The following TIGAR variants were observed in gnomAD, a reference collection of about 807,000 sequenced individuals.
The protein encoded by TIGAR is TP53 induced glycolysis regulatory phosphatase, also known as fructose-2,6-bisphosphatase TIGAR.
A neutral mutation model predicts 17.9 loss-of-function variants in TIGAR; 7 were observed. The ratio of observed to expected loss-of-function variants is 0.39; its 90% CI spans 0.22 to 0.73. TIGAR has a LOEUF of 0.73. Ranked by LOEUF, TIGAR falls within the 30% of genes least tolerant of loss-of-function variation. TIGAR has a pLI of 0.42. For missense variants in TIGAR, 258 were observed against 327.4 expected (o/e 0.79, Z 1.64); for synonymous variants, 94 against 108.6 (o/e 0.87, Z 0.84).
intron 2 of TIGAR, among the ~76,000 whole-genome samples, chr12:4,334,696 G>A (rs1864639972): frequency 6.6e-6 from 1 of 152,182 alleles, no homozygotes; most frequent in African/African-American, 2.4e-5. Flanking sequence ...TCTTTGAAAA[G>A]TCCTCTAGTG....
chr12:4,351,417 C>A, intron 5 of TIGAR, 40 bp downstream of exon 5: 1 of 1,544,742 alleles, frequency 6.5e-7, no homozygotes, highest in Non-Finnish European at 8.9e-7. Flanking sequence ...TGAATTAAGA[C>A]TCAAAATTAG....
At chr12:4,324,340 T>G (rs1404037293) in intron 1 of TIGAR, 4 of 732,274 alleles carry the variant, frequency 5.5e-6, no homozygotes, top group South Asian at 5.2e-5. Flanking sequence ...TTTTTTTTTT[T>G]GGAAATATGT....
intron 5 of TIGAR, among the ~76,000 whole-genome samples, 155 bp from the exon 6 acceptor site, chr12:4,352,105 G>C (rs1864842984): frequency 6.6e-6 from 1 of 152,092 alleles, no homozygotes; most frequent in South Asian, 2.1e-4. Flanking sequence ...TGAAACTACT[G>C]ATTGAACGAA....
intron 3 of TIGAR, among the ~76,000 whole-genome samples, chr12:4,349,423 GT>G (rs923212662): frequency 4.4e-4 from 63 of 143,442 alleles, no homozygotes; most frequent in African/African-American, 5.8e-4. Flanking sequence ...TTCTAGTTTT[GT>G]TTTTTTTTTT....
At position 4,321,314 on chromosome 12, in the gene TIGAR, C is replaced by G. The variant is rs931908285; in HGVS notation, c.32+11C>G. 1.9e-6 allele frequency: 3 copies of G among 1,600,988 alleles called. No individual in the cohort carries two copies. The Admixed American group carries it at 5.0e-5, about 27-fold the overall frequency. On this transcript the variant is annotated intron_variant, in intron 1 of 5. Coordinates refer to ENST00000179259, the MANE Select transcript of TIGAR (RefSeq NM_020375.3). This position sits in a 1 kb window ranked among gnomAD's most constrained non-coding sequence, Gnocchi z 5.2. ...GACTGTTGTCCGGCAGTGAGTATGG[C>G]TGTGGCAGGATGTCTTTCTCTCTCT...
chr12:4,349,653 A>C (rs1180317811), intron 3 of TIGAR, among the ~76,000 whole-genome samples, 166 bp from the exon 4 acceptor site: 2 of 152,090 alleles, frequency 1.3e-5, no homozygotes, highest in Non-Finnish European at 2.9e-5. Context: ...TCCTGACCTC[A>C]TGATCCACCC....
Position 4,354,251 on chromosome 12 carries a change from G to A in TIGAR, c.*1560G>A, listed in dbSNP as rs144055031. 6 of 152,260 alleles carry A rather than the reference G, an allele frequency of 3.9e-5. No individual in the cohort carries two copies. The highest frequency in any genetic ancestry group is 1.9e-4 in the East Asian group (1 of 5,180). The allele number at this position is 152,260 out of a possible 1,614,324, so 9.4% of individuals were successfully genotyped here. On this transcript the variant is annotated 3_prime_UTR_variant, in exon 6 of 6. Transcript: ENST00000179259. ...TTCTACCAGTATTGAAACAGGGCAC[G>A]TGTTTGAGCATCAGAGGAAGTATAC...
chr12:4,354,572 C>T lies in TIGAR; in HGVS notation c.*1881C>T, dbSNP rs1232257363. On this transcript the variant is annotated 3_prime_UTR_variant, in exon 6 of 6. Coordinates refer to ENST00000179259, the MANE Select transcript of TIGAR (RefSeq NM_020375.3). ...TGGTGCTTTAAAAATAAATATCAAG[C>T]CATCTGTGTTCTTTATTTTTACTTA... 3 of 151,824 alleles carry T rather than the reference C, an allele frequency of 2.0e-5. No homozygotes were observed. The highest frequency in any genetic ancestry group is 4.4e-5 in the Non-Finnish European group (3 of 67,950). 9.4% of individuals were successfully genotyped at this position (151,824 alleles called of 1,614,324 possible). A position where few individuals can be genotyped will look rare whatever the true frequency, so the allele number is the denominator to read the frequency against.
At position 4,357,838 on chromosome 12, in the gene TIGAR, TCG is replaced by T. The variant is rs1352569935; in HGVS notation, c.*5149_*5150del. ...CGCTGAGGTGGCTGGGCGTGGTGGC[TCG>T]CACCTGTAATCCCAGCACTTTGGGA... On this transcript the variant is annotated 3_prime_UTR_variant, in exon 6 of 6. Coordinates refer to ENST00000179259, the MANE Select transcript of TIGAR (RefSeq NM_020375.3). Among the ~76,000 whole-genome samples, 1 of 152,148 alleles carries T rather than the reference TCG, an allele frequency of 6.6e-6. No individual in the cohort carries two copies. Among genetic ancestry groups the T allele is most frequent in the Non-Finnish European group, 1.5e-5 (1 of 68,016 alleles).
At chr12:4,350,445 T>C (rs993384558) in intron 4 of TIGAR, among the ~76,000 whole-genome samples, 1 of 152,194 alleles carries the variant, frequency 6.6e-6, no homozygotes, top group African/African-American at 2.4e-5. Context: ...CAATTGGTAT[T>C]ATTAGACTCT....
At chr12:4,338,977 C>CA (rs1192832105) in intron 3 of TIGAR, among the ~76,000 whole-genome samples, 4,204 of 99,562 alleles carry the variant, frequency 0.042, 131 homozygotes, top group Non-Finnish European at 0.058. Flanking sequence ...CTTTGTCTCA[C>CA]AAAAAAAAAA....
intron 3 of TIGAR, among the ~76,000 whole-genome samples, chr12:4,348,030 G>A (rs2120687532): frequency 6.6e-6 from 1 of 152,222 alleles, no homozygotes; most frequent in South Asian, 2.1e-4. Flanking sequence ...CAGCTACTTG[G>A]GAGGCTGGGG....
rs539536926 is a variant in TIGAR at position 4,358,807 on chromosome 12, T to C, written c.*6116T>C. ...CATTTAGTTGTCATGTTTCTTCATGTCCTTCCGTCTACTCCTTTGCCTTCC... is the reference window on the plus strand; with the variant it reads ...CATTTAGTTGTCATGTTTCTTCATGCCCTTCCGTCTACTCCTTTGCCTTCC... On this transcript the variant is annotated 3_prime_UTR_variant, in exon 6 of 6. Transcript: ENST00000179259. Among the ~76,000 whole-genome samples the C allele has an allele frequency of 2.1e-4, 32 of 152,250 alleles. No homozygotes were observed. The highest frequency in any genetic ancestry group is 7.5e-4 in the African/African-American group (31 of 41,560).
At chr12:4,324,555 G>A in intron 1 of TIGAR, 4 of 1,607,498 alleles carry the variant, frequency 2.5e-6, no homozygotes, top group African/African-American at 1.3e-5. Flanking sequence ...TCTTGGGCAG[G>A]ATGATCATGT....
chr12:4,350,807 G>C (rs911795043), intron 4 of TIGAR, among the ~76,000 whole-genome samples: 1 of 151,400 alleles, frequency 6.6e-6, no homozygotes, highest in Admixed American at 6.6e-5. Context: ...AAAAGAAATA[G>C]ATCTCTCATG....
chr12:4,354,638 T>TGG lies in TIGAR; in HGVS notation c.*1947_*1948insGG, dbSNP rs1864876972. On this transcript the variant is annotated 3_prime_UTR_variant, in exon 6 of 6. Transcript: ENST00000179259. Reference sequence around the variant, plus strand: ...TCTGTGTTGATATATATAGATCTAGTTAATTATAACCACTCTATTCTATTA... The same window carrying TGG: ...TCTGTGTTGATATATATAGATCTAGTGGTAATTATAACCACTCTATTCTATTA... The TGG allele has an allele frequency of 6.6e-6, 1 of 152,128 alleles. No homozygotes were observed. Among genetic ancestry groups the TGG allele is most frequent in the Non-Finnish European group, 1.5e-5 (1 of 68,034 alleles). The allele number at this position is 152,128 out of a possible 1,614,324, so 9.4% of individuals were successfully genotyped here.
At chr12:4,350,231 C>G (rs910000807) in intron 4 of TIGAR, among the ~76,000 whole-genome samples, 1 of 152,170 alleles carries the variant, frequency 6.6e-6, no homozygotes, top group African/African-American at 2.4e-5. Context: ...TTTCACTAGA[C>G]TACCACTGAT....
chr12:4,345,784 C>T (rs1458832856), intron 3 of TIGAR, among the ~76,000 whole-genome samples: 1 of 152,224 alleles, frequency 6.6e-6, no homozygotes, highest in African/African-American at 2.4e-5. Flanking sequence ...TAAAGAGCTT[C>T]TGCACAGCAA....
At chr12:4,349,730 A>G in intron 3 of TIGAR, 89 bp from the exon 4 acceptor site, 1 of 1,122,186 alleles carries the variant, frequency 8.9e-7, no homozygotes, top group African/African-American at 1.6e-5. Flanking sequence ...GTTCTTTTTT[A>G]TTCACTAAGA....
Sources: gnomAD v4.1 joint callset for allele counts (sites outside exome capture counted in the v4.1 genomes callset) on GRCh38, gnomAD v4.1.1 for gene constraint, Gnocchi (gnomAD v3.1) non-coding constraint, MANE v1.5 for transcripts, NCBI Gene and HGNC (gene_info 2026-07-23, HGNC 2026-07-21) for gene names.